PDE4D: variants seen among roughly 807,000 people sequenced by gnomAD.
PDE4D encodes 3',5'-cyclic-AMP phosphodiesterase 4D.
PDE4D carries 24 observed loss-of-function variants against 87.4 expected under a neutral mutation model. That is an observed-to-expected ratio of 0.27 (90% CI 0.20 to 0.39). The LOEUF (loss-of-function observed/expected upper bound fraction) is 0.39, where lower values mean the gene tolerates loss of function less well. Among genes scored for constraint, PDE4D ranks in the 10% least tolerant of loss-of-function variants. The pLI is 1.00. For synonymous variants in PDE4D, 384 were observed against 383.2 expected (o/e 1.00, Z -0.02); for missense variants, 714 against 1,041.0 (o/e 0.69, Z 4.32).
intron 1 of PDE4D, among the ~76,000 whole-genome samples, chr5:59,301,207 G>A (rs977816099): frequency 5.3e-5 from 8 of 151,994 alleles, no homozygotes; most frequent in African/African-American, 1.9e-4. Flanking sequence ...AGAAAGGCAG[G>A]AACAGGTGAA....
At chr5:59,762,786 CAT>C (rs1409104037) in intron 1 of PDE4D, among the ~76,000 whole-genome samples, 1 of 142,198 alleles carries the variant, frequency 7.0e-6, no homozygotes, top group Non-Finnish European at 1.5e-5. Context: ...TATACACACA[CAT>C]ATTTTATATA....
intron 2 of PDE4D, among the ~76,000 whole-genome samples, chr5:59,199,034 T>C (rs1370597789): frequency 6.6e-6 from 1 of 152,218 alleles, no homozygotes; most frequent in East Asian, 1.9e-4. Context: ...TTTATCTGTT[T>C]TACTATTACG....
rs552061374 is a variant in PDE4D, at chr5:59,471,539, A to G, written c.456-255571T>C. On this transcript the variant is annotated intron_variant, in intron 1 of 14. Transcript: ENST00000340635. Reference sequence around the variant, plus strand: ...TAAACTATTAACTGACACAGGGTGCAAAGCACCACAAAGCAGCACAAATAG... The same window carrying G: ...TAAACTATTAACTGACACAGGGTGCGAAGCACCACAAAGCAGCACAAATAG... 4.8e-4 allele frequency among the ~76,000 whole-genome samples: 73 copies of G among 152,378 alleles called. No individual in the cohort carries two copies. The Middle Eastern group carries it at 0.01, about 21-fold the overall frequency.
At chr5:59,652,195 T>G (rs1387007864) in intron 1 of PDE4D, among the ~76,000 whole-genome samples, 2 of 152,182 alleles carry the variant, frequency 1.3e-5, no homozygotes, top group African/African-American at 4.8e-5. Flanking sequence ...ACCCCATCTC[T>G]TCTTCCTCAG....
intron 2 of PDE4D, among the ~76,000 whole-genome samples, chr5:60,095,323 A>G (rs901397049): frequency 1.3e-5 from 2 of 152,124 alleles, no homozygotes; most frequent in Non-Finnish European, 2.9e-5. Context: ...TTCTTGTGTT[A>G]GTTTGCTGAG....
intron 1 of PDE4D, among the ~76,000 whole-genome samples, chr5:60,314,125 A>C (rs1755306163): frequency 6.6e-6 from 1 of 152,138 alleles, no homozygotes; most frequent in African/African-American, 2.4e-5. Context: ...AAAGGCATCC[A>C]AATAAGAACA....
At chr5:59,956,469 T>C (rs1006536613) in intron 3 of PDE4D, among the ~76,000 whole-genome samples, 1 of 152,046 alleles carries the variant, frequency 6.6e-6, no homozygotes, top group African/African-American at 2.4e-5. Context: ...CACATACTCA[T>C]TGTGGAAAAA....
chr5:59,131,292 T>C (rs114317049), intron 5 of PDE4D, among the ~76,000 whole-genome samples: 273 of 152,286 alleles, frequency 1.8e-3, no homozygotes, highest in African/African-American at 6.1e-3. Context: ...AAATTGTGAC[T>C]ATATTTTTCA....
chr5:59,125,155 G>A (rs1775194510), intron 5 of PDE4D: 2 of 331,116 alleles, frequency 6.0e-6, no homozygotes, highest in African/African-American at 4.5e-5. Flanking sequence ...ACAGCAGTTA[G>A]AAGAGATTGA....
chr5:60,304,087 T>C (rs1163430654), intron 1 of PDE4D: 1 of 152,192 alleles, frequency 6.6e-6, no homozygotes, highest in Non-Finnish European at 1.5e-5. Flanking sequence ...GTAATCCTTG[T>C]GTGAGGGTCA....
intron 6 of PDE4D, among the ~76,000 whole-genome samples, chr5:59,001,085 C>T (rs72764051): frequency 0.11 from 17,399 of 152,100 alleles, 1,203 homozygotes; most frequent in South Asian, 0.17. Context: ...AGACATTTTA[C>T]GAGGAGGGTT....
chr5:59,771,665 T>G (rs968024499), intron 1 of PDE4D, among the ~76,000 whole-genome samples: 1 of 152,204 alleles, frequency 6.6e-6, no homozygotes, highest in African/African-American at 2.4e-5. Flanking sequence ...GTAAACTATT[T>G]ACATGCTGAT....
chr5:59,184,660 C>T (rs1742476165), intron 4 of PDE4D, among the ~76,000 whole-genome samples: 1 of 151,892 alleles, frequency 6.6e-6, no homozygotes, highest in South Asian at 2.1e-4. Context: ...TATCAAGAAC[C>T]TGAAATGATA....
In PDE4D at chr5:59,539,809, AAC is replaced by A. The variant is rs528711528; in HGVS notation, c.456-323843_456-323842del. Among the ~76,000 whole-genome samples, 355 of 152,102 alleles carry A rather than the reference AAC, an allele frequency of 2.3e-3. 1 individual carries two copies. The highest frequency in any genetic ancestry group is 7.9e-3 in the African/African-American group (330 of 41,532). On this transcript the variant is annotated intron_variant, in intron 1 of 14. Coordinates refer to ENST00000340635, the MANE Select transcript of PDE4D (RefSeq NM_001104631.2). ...ATTTTCTAAAATAGAATTCTGCTAA[AAC>A]ACACACACACAGACACATACATACA...
At position 60,278,355 on chromosome 5, in the gene PDE4D, T is replaced by C. The variant is rs534474053; in HGVS notation, c.-89-92668A>G. Among the ~76,000 whole-genome samples, 5 of 151,018 alleles carry C rather than the reference T, an allele frequency of 3.3e-5. No homozygotes were observed. In the East Asian group the frequency reaches 9.6e-4, roughly 29 times the overall value. ...TTCAAGATTTTCTTTGTGTCTTTCA[T>C]TTTTGAAAGTTTAATTATGAAATGG... On this transcript the variant is annotated intron_variant, in intron 1 of 16. Coordinates refer to the PDE4D transcript ENST00000502484.
intron 1 of PDE4D, among the ~76,000 whole-genome samples, chr5:59,392,503 CTATATA>C (rs3061702): frequency 0.03 from 4,120 of 139,338 alleles, 238 homozygotes; most frequent in African/African-American, 0.11. Flanking sequence ...GTGTGTGTGT[CTATATA>C]TATATATATA....
intron 1 of PDE4D, among the ~76,000 whole-genome samples, chr5:59,868,497 T>C (rs987776558): frequency 1.3e-5 from 2 of 152,142 alleles, no homozygotes; most frequent in Admixed American, 6.5e-5. Context: ...ATATGTATGG[T>C]CTCACAGACC....
chr5:59,653,385 G>A (rs945542608), intron 1 of PDE4D, among the ~76,000 whole-genome samples: 9 of 151,924 alleles, frequency 5.9e-5, no homozygotes, highest in African/African-American at 2.2e-4. Context: ...TGTATTTTTA[G>A]TAGAGATGGG....
At chr5:59,740,620 A>G (rs998429576) in intron 1 of PDE4D, among the ~76,000 whole-genome samples, 12 of 152,332 alleles carry the variant, frequency 7.9e-5, no homozygotes, top group African/African-American at 2.9e-4. Context: ...GAAAATAGAG[A>G]TAAACCCAAT....
Sources: gnomAD v4.1 joint callset for allele counts (sites outside exome capture counted in the v4.1 genomes callset) on GRCh38, gnomAD v4.1.1 for gene constraint, MANE v1.5 for transcripts, NCBI Gene and HGNC (gene_info 2026-07-23, HGNC 2026-07-21) for gene names.